Variants in RGMA observed in about 807,000 individuals in gnomAD.
RGMA encodes repulsive guidance molecule A.
Under a neutral mutation model 23.2 loss-of-function variants are expected in RGMA, and 10 were observed. That is an observed-to-expected ratio of 0.43 (90% CI 0.27 to 0.73). RGMA has a LOEUF of 0.73. Among genes scored for constraint, RGMA ranks in the 30% least tolerant of loss-of-function variants. The probability of loss-of-function intolerance (pLI) is 0.20; values close to 1 mark genes in which losing one functional copy is unlikely to be tolerated. For missense variants in RGMA, 547 were observed against 630.5 expected (o/e 0.87, Z 1.42); for synonymous variants, 308 against 279.3 (o/e 1.10, Z -1.03).
chr15:93,055,096 C>A (rs1015415730), intron 2 of RGMA, among the ~76,000 whole-genome samples: 1 of 152,114 alleles, frequency 6.6e-6, no homozygotes, highest in Non-Finnish European at 1.5e-5. Flanking sequence ...TCCAGGGGCC[C>A]GGTGTGCTGA....
In RGMA at chr15:93,045,466, G is replaced by A. The variant is rs1357343401; in HGVS notation, c.885C>T (p.Arg295=). 3 of 1,613,244 alleles carry A rather than the reference G, an allele frequency of 1.9e-6. No individual in the cohort carries two copies. The highest frequency in any genetic ancestry group is 2.5e-6 in the Non-Finnish European group (3 of 1,179,826). ...QVGRYLTFAV[R]MPEEVVNAVE... ...CAGCATTGACCACTTCCTCTGGCAT[G>A]CGGACGGCAAAGGTCAGGTAGCGGC... Residue 295 remains arginine (R), a synonymous_variant, in exon 4 of 4, where the codon CGC becomes CGT. Transcript: ENST00000329082. This position sits in a 1 kb window ranked among gnomAD's most constrained non-coding sequence, Gnocchi z 6.9.
intron 2 of RGMA, among the ~76,000 whole-genome samples, chr15:93,068,186 T>A (rs768316652): frequency 1.1e-4 from 17 of 149,794 alleles, no homozygotes; most frequent in Non-Finnish European, 2.3e-4. Flanking sequence ...CAAACTGGGA[T>A]AAGTTGGCTA....
intron 2 of RGMA, among the ~76,000 whole-genome samples, chr15:93,071,933 G>C (rs571751251): frequency 6.6e-6 from 1 of 152,206 alleles, no homozygotes; most frequent in African/African-American, 2.4e-5. Flanking sequence ...GCGCCGGGGG[G>C]GCCATTTGGC....
intron 2 of RGMA, among the ~76,000 whole-genome samples, chr15:93,059,823 G>A (rs113407080): frequency 9.2e-5 from 14 of 152,338 alleles, no homozygotes; most frequent in African/African-American, 3.1e-4. Context: ...CAGAGAGGCC[G>A]ATTTTTATGT....
chr15:93,056,075 C>T (rs888072656), intron 2 of RGMA, among the ~76,000 whole-genome samples: 1 of 152,194 alleles, frequency 6.6e-6, no homozygotes, highest in Non-Finnish European at 1.5e-5. Flanking sequence ...CTCGGCAGGC[C>T]CCAGTAGCCC....
rs577482669 is a variant in RGMA, at chr15:93,038,810, G to A, written c.*6188C>T. The A allele has an allele frequency of 1.3e-5, 2 of 152,342 alleles. No individual in the cohort carries two copies. Among genetic ancestry groups the A allele is most frequent in the Admixed American group, 1.3e-4 (2 of 15,292 alleles). 9.4% of individuals were successfully genotyped at this position (152,342 alleles called of 1,614,324 possible). ...AGGATGGTCTCGATCTCCTGACTTA[G>A]TGATCTGCCCGCTTTGGCCTCCCAA... On this transcript the variant is annotated 3_prime_UTR_variant, in exon 4 of 4. Transcript: ENST00000329082.
chr15:93,071,812 C>G (rs947246231), intron 2 of RGMA, among the ~76,000 whole-genome samples: 4 of 152,252 alleles, frequency 2.6e-5, no homozygotes, highest in African/African-American at 9.6e-5. Context: ...CAGTAGTGCG[C>G]GGGGGCTGCG....
intron 2 of RGMA, among the ~76,000 whole-genome samples, chr15:93,064,203 C>CCTA (rs1895066193): frequency 6.6e-6 from 1 of 152,198 alleles, no homozygotes; most frequent in East Asian, 1.9e-4. Flanking sequence ...CAAGAGGAGC[C>CCTA]CTAGGCTGGC....
intron 1 of RGMA, among the ~76,000 whole-genome samples, chr15:93,074,364 G>A (rs1895433352): frequency 6.6e-6 from 1 of 152,216 alleles, no homozygotes; most frequent in Non-Finnish European, 1.5e-5. Context: ...CAGGTCGGGA[G>A]TGTGGAGAGG....
rs758733830 is a variant in RGMA at position 93,088,964 on chromosome 15, G to A, written c.-32C>T. 7 of 1,373,924 alleles carry A rather than the reference G, an allele frequency of 5.1e-6. No homozygotes were observed. In the Admixed American group the frequency reaches 1.1e-4, roughly 22 times the overall value. The allele number at this position is 1,373,924 out of a possible 1,614,324, so 85.1% of individuals were successfully genotyped here. ...CTGCGGCCCGCGGGGGGTGGCGCTG[G>A]CGGGGCTGCGGGAGAAGAGGGGGTG... On this transcript the variant is annotated 5_prime_UTR_variant, in exon 1 of 4. Transcript: ENST00000329082.
Position 93,044,553 on chromosome 15 carries a change from T to G in RGMA, c.*445A>C. On this transcript the variant is annotated 3_prime_UTR_variant, in exon 4 of 4. Transcript: ENST00000329082. ...TCCCCGCTGGCCTAGGGGGATCGAG[T>G]GTGCTCTCGTGTAAGAGTGTGTGCG... 5.4e-6 allele frequency: 1 copy of G among 186,294 alleles called. No individual in the cohort carries two copies. The highest frequency in any genetic ancestry group is 1.5e-4 in the East Asian group (1 of 6,844). 11.5% of individuals were successfully genotyped at this position (186,294 alleles called of 1,614,324 possible).
At chr15:93,067,182 A>C (rs1324117195) in intron 2 of RGMA, among the ~76,000 whole-genome samples, 1 of 152,142 alleles carries the variant, frequency 6.6e-6, no homozygotes, top group Non-Finnish European at 1.5e-5. Context: ...GGTTATTTTT[A>C]TTTTATTACT....
In RGMA at chr15:93,038,569, G is replaced by GTTTTTTTTTTTGTTTTTTTTT. The variant is rs2054685844; in HGVS notation, c.*6428_*6429insAAAAAAAAACAAAAAAAAAAA. 1.0e-5 allele frequency: 1 copy of GTTTTTTTTTTTGTTTTTTTTT among 100,224 alleles called. No homozygotes were observed. Among genetic ancestry groups the GTTTTTTTTTTTGTTTTTTTTT allele is most frequent in the Non-Finnish European group, 2.3e-5 (1 of 42,826 alleles). The allele number at this position is 100,224 out of a possible 1,614,324, so 6.2% of individuals were successfully genotyped here. A position where few individuals can be genotyped will look rare whatever the true frequency, so the allele number is the denominator to read the frequency against. On this transcript the variant is annotated 3_prime_UTR_variant, in exon 4 of 4. Coordinates refer to ENST00000329082, the MANE Select transcript of RGMA (RefSeq NM_020211.3). ...GCCTTAATGAACGAAACTGTTAGTT[G>GTTTTTTTTTTTGTTTTTTTTT]TTTTTTTTTTTTTTTTGAGACGGTG...
At position 93,088,821 on chromosome 15, in the gene RGMA, G is replaced by T. The variant is rs74029243; in HGVS notation, c.14+98C>A. On this transcript the variant is annotated intron_variant, in intron 1 of 3. Transcript: ENST00000329082. ...AGATGGGAGCAAGATGAGACGCGGGGCTAAGGAAGACCAAAGCAGCGCCGT... is the reference window on the plus strand; with the variant it reads ...AGATGGGAGCAAGATGAGACGCGGGTCTAAGGAAGACCAAAGCAGCGCCGT... 1.8e-5 allele frequency: 21 copies of T among 1,152,386 alleles called. No homozygotes were observed. The Admixed American group carries it at 4.0e-4, about 22-fold the overall frequency. The allele number at this position is 1,152,386 out of a possible 1,614,324, so 71.4% of individuals were successfully genotyped here.
chr15:93,037,570 C>T lies in RGMA; in HGVS notation c.*7428G>A, dbSNP rs1047007317. 6.6e-6 allele frequency: 1 copy of T among 152,294 alleles called. No individual in the cohort carries two copies. Among genetic ancestry groups the T allele is most frequent in the Admixed American group, 6.5e-5 (1 of 15,288 alleles). The allele number at this position is 152,294 out of a possible 1,614,324, so 9.4% of individuals were successfully genotyped here. On this transcript the variant is annotated 3_prime_UTR_variant, in exon 4 of 4. Transcript: ENST00000329082. The surrounding 1 kb of genome is among the most constrained non-coding windows in gnomAD (Gnocchi z 4.3). ...CGGTCAGCATGGCCCCGAGCCAGCT[C>T]ACCAGGGTAATAAACTGCCACAAGC...
chr15:93,059,566 G>A (rs1596090813), intron 2 of RGMA, among the ~76,000 whole-genome samples: 1 of 152,224 alleles, frequency 6.6e-6, no homozygotes, highest in Non-Finnish European at 1.5e-5. Flanking sequence ...CATGTGGAAA[G>A]GAAGCTCTCT....
chr15:93,066,590 C>T (rs1166316325), intron 2 of RGMA: 8 of 458,618 alleles, frequency 1.7e-5, no homozygotes, highest in Middle Eastern at 6.7e-4. Flanking sequence ...CCACCGCTAC[C>T]ACCCCGGGCA....
At chr15:93,065,124 C>T (rs1895099812) in intron 2 of RGMA, among the ~76,000 whole-genome samples, 2 of 152,120 alleles carry the variant, frequency 1.3e-5, no homozygotes, top group Non-Finnish European at 2.9e-5. Flanking sequence ...ATTACAGGCA[C>T]ATGCCACAAT....
At chr15:93,046,503 T>C (rs751371670) in intron 3 of RGMA, among the ~76,000 whole-genome samples, 1 of 152,146 alleles carries the variant, frequency 6.6e-6, no homozygotes, top group Non-Finnish European at 1.5e-5. Context: ...ACAGTGGCGA[T>C]AGGAAATGAA....
Sources: allele counts gnomAD v4.1 joint callset (sites outside exome capture counted in the v4.1 genomes callset), GRCh38; gene constraint gnomAD v4.1.1; non-coding constraint Gnocchi (gnomAD v3.1); transcripts MANE v1.5; gene names NCBI Gene and HGNC (gene_info 2026-07-23, HGNC 2026-07-21).